DLG2: variants seen among roughly 807,000 people sequenced by gnomAD.
DLG2 encodes discs large MAGUK scaffold protein 2, also known as disks large homolog 2.
Under a neutral mutation model 132.5 loss-of-function variants are expected in DLG2, and 45 were observed. That is an observed-to-expected ratio of 0.34 (90% CI 0.27 to 0.44). DLG2 has a LOEUF of 0.44. Ranked by LOEUF, DLG2 falls within the 20% of genes least tolerant of loss-of-function variation. The pLI is 1.00. For missense variants in DLG2, 1,045 were observed against 1,196.9 expected, an observed-to-expected ratio of 0.87 and a Z score of 1.87; for synonymous variants, 424 against 419.6, an observed-to-expected ratio of 1.01 and a Z score of -0.13.
intron 4 of DLG2, among the ~76,000 whole-genome samples, chr11:85,245,012 G>A (rs1188077430): frequency 1.3e-5 from 2 of 151,802 alleles, no homozygotes; most frequent in Non-Finnish European, 2.9e-5. Context: ...CTTAGAGTTA[G>A]GTGGAATTAT....
At chr11:84,206,695 A>T (rs11820404) in intron 8 of DLG2, among the ~76,000 whole-genome samples, 6,437 of 152,116 alleles carry the variant, frequency 0.042, 406 homozygotes, top group African/African-American at 0.15. Context: ...CTTTATACCT[A>T]TTTGTGATAA....
At chr11:84,573,313 T>C (rs1592676401) in intron 6 of DLG2, among the ~76,000 whole-genome samples, 1 of 152,152 alleles carries the variant, frequency 6.6e-6, no homozygotes, top group South Asian at 2.1e-4. Context: ...TTTCCATTTA[T>C]AACACTTACA....
chr11:85,146,057 A>G (rs536365260), intron 5 of DLG2, among the ~76,000 whole-genome samples: 1 of 152,090 alleles, frequency 6.6e-6, no homozygotes, highest in Non-Finnish European at 1.5e-5. Context: ...ACACTGGGAG[A>G]TACCGCAGAA....
At chr11:84,467,254 T>A (rs762025541) in intron 7 of DLG2, among the ~76,000 whole-genome samples, 24 of 151,532 alleles carry the variant, frequency 1.6e-4, no homozygotes, top group African/African-American at 5.8e-4. Context: ...AACGCTTTTT[T>A]AAAAATTGAG....
At chr11:84,776,929 G>T (rs992518507) in intron 6 of DLG2, among the ~76,000 whole-genome samples, 1 of 152,006 alleles carries the variant, frequency 6.6e-6, no homozygotes, top group Non-Finnish European at 1.5e-5. Context: ...GGGTAGAAGT[G>T]TAATTTTGTT....
At chr11:84,958,949 G>A (rs1009653904) in intron 6 of DLG2, among the ~76,000 whole-genome samples, 9 of 152,094 alleles carry the variant, frequency 5.9e-5, no homozygotes, top group African/African-American at 2.2e-4. Context: ...ATTTCAGTTT[G>A]ACCATAACAC....
At chr11:84,055,629 G>A (rs532661647) in intron 11 of DLG2, among the ~76,000 whole-genome samples, 6 of 151,864 alleles carry the variant, frequency 4.0e-5, no homozygotes, top group Non-Finnish European at 5.9e-5. Context: ...GGATGCTCTC[G>A]AGACCCCATT....
chr11:83,801,180 A>C (rs1478324067), intron 17 of DLG2, among the ~76,000 whole-genome samples: 1 of 151,958 alleles, frequency 6.6e-6, no homozygotes, highest in Admixed American at 6.6e-5. Flanking sequence ...GTTCATAGCC[A>C]TATTCTAATT....
intron 3 of DLG2, among the ~76,000 whole-genome samples, chr11:85,567,202 C>A (rs2077576933): frequency 1.3e-5 from 2 of 152,138 alleles, no homozygotes; most frequent in Admixed American, 6.6e-5. Flanking sequence ...TTTTTCACTT[C>A]TTCAAAAACA....
chr11:84,980,961 C>T (rs916767682), intron 6 of DLG2, among the ~76,000 whole-genome samples: 1 of 152,098 alleles, frequency 6.6e-6, no homozygotes, highest in Non-Finnish European at 1.5e-5. Context: ...TTCTTTTGTG[C>T]TCTCATAGAC....
At chr11:85,465,304 C>G (rs1016973588) in intron 3 of DLG2, among the ~76,000 whole-genome samples, 1 of 151,102 alleles carries the variant, frequency 6.6e-6, no homozygotes, top group Non-Finnish European at 1.5e-5. Context: ...CTGCAACTGG[C>G]TAATTTTTTT....
At chr11:85,395,152 C>A (rs2087189590) in intron 3 of DLG2, among the ~76,000 whole-genome samples, 1 of 152,076 alleles carries the variant, frequency 6.6e-6, no homozygotes. Context: ...GCATAAACAG[C>A]CCTTTCATGG....
At chr11:84,815,537 A>G (rs2077000011) in intron 6 of DLG2, among the ~76,000 whole-genome samples, 2 of 152,044 alleles carry the variant, frequency 1.3e-5, no homozygotes, top group African/African-American at 4.8e-5. Context: ...AATATTATTC[A>G]TATGCTATAT....
At chr11:85,114,183 C>A (rs1029365812) in intron 5 of DLG2, among the ~76,000 whole-genome samples, 1 of 151,952 alleles carries the variant, frequency 6.6e-6, no homozygotes, top group African/African-American at 2.4e-5. Flanking sequence ...TCTTCAGTAT[C>A]TTTTGTTTTT....
At chr11:84,573,490 G>T (rs541041557) in intron 6 of DLG2, among the ~76,000 whole-genome samples, 2 of 152,040 alleles carry the variant, frequency 1.3e-5, no homozygotes, top group South Asian at 4.1e-4. Context: ...ATACCAAAAA[G>T]GATGCAAGGT....
intron 5 of DLG2, among the ~76,000 whole-genome samples, chr11:85,145,327 T>C (rs975164753): frequency 2.0e-5 from 3 of 152,148 alleles, no homozygotes; most frequent in African/African-American, 7.2e-5. Context: ...TTAAATCTGC[T>C]TAATTTTCTA....
chr11:83,752,250 A>G (rs996835871), intron 18 of DLG2, among the ~76,000 whole-genome samples: 2 of 151,838 alleles, frequency 1.3e-5, no homozygotes, highest in Admixed American at 1.3e-4. Context: ...CCTGGTTGAC[A>G]GAGCGAGACT....
At chr11:85,213,210 G>T (rs953053406) in intron 4 of DLG2, among the ~76,000 whole-genome samples, 4 of 152,132 alleles carry the variant, frequency 2.6e-5, no homozygotes, top group African/African-American at 9.7e-5. Flanking sequence ...TATTTGAAGA[G>T]ATTTATTCTG....
At chr11:85,456,932 A>C (rs1320330334) in intron 3 of DLG2, among the ~76,000 whole-genome samples, 1 of 152,170 alleles carries the variant, frequency 6.6e-6, no homozygotes, top group Non-Finnish European at 1.5e-5. Context: ...AGAGTACTGC[A>C]GGGTTTTATT....
Sources: allele counts gnomAD v4.1 joint callset (sites outside exome capture counted in the v4.1 genomes callset), GRCh38; gene constraint gnomAD v4.1.1; transcripts MANE v1.5; gene names NCBI Gene and HGNC (gene_info 2026-07-23, HGNC 2026-07-21).